The following BMPR1B variants were observed in gnomAD, a reference collection of about 807,000 sequenced individuals.
The protein encoded by BMPR1B is bone morphogenetic protein receptor type 1B.
In BMPR1B, 12 loss-of-function variants were observed where a neutral mutation model predicts 59.1. That is an observed-to-expected ratio of 0.20 (90% confidence interval 0.13 to 0.33). The LOEUF (loss-of-function observed/expected upper bound fraction) is 0.33. Ranked by LOEUF, BMPR1B falls within the 10% of genes least tolerant of loss-of-function variation. BMPR1B has a pLI of 1.00. For synonymous variants in BMPR1B, 237 were observed against 207.3 expected (o/e 1.14, Z -1.23); for missense variants, 550 against 610.9 (o/e 0.90, Z 1.05).
intron 10 of BMPR1B, among the ~76,000 whole-genome samples, chr4:95,143,451 C>A: frequency 6.6e-6 from 1 of 152,164 alleles, no homozygotes; most frequent in East Asian, 1.9e-4. Context: ...TTTCTTGTCT[C>A]TCTCTCTCTC....
Position 94,891,633 on chromosome 4 carries a change from G to A in BMPR1B, c.-113+15733G>A, listed in dbSNP as rs80022103. On this transcript the variant is annotated intron_variant, in intron 2 of 12. Transcript: ENST00000515059. The stretch of plus-strand genomic sequence containing the variant: ...AAAAAGGAAATGTTGGAATGGCAGC[G>A]TATGTAGAATTAGGAAAAACTAAAC... Among the ~76,000 whole-genome samples, 60 of 152,132 alleles carry A rather than the reference G, an allele frequency of 3.9e-4. No homozygotes were observed. The East Asian group carries it at 8.9e-3, about 23-fold the overall frequency.
At chr4:94,770,921 A>AC (rs1001437028) in intron 1 of BMPR1B, among the ~76,000 whole-genome samples, 3 of 149,050 alleles carry the variant, frequency 2.0e-5, no homozygotes, top group African/African-American at 4.9e-5. Flanking sequence ...GAAAAGCTAG[A>AC]CCCCCTCCCA....
intron 2 of BMPR1B, among the ~76,000 whole-genome samples, chr4:94,899,883 C>T (rs1727738750): frequency 6.6e-6 from 1 of 151,982 alleles, no homozygotes; most frequent in African/African-American, 2.4e-5. Flanking sequence ...CCTGTTCGCC[C>T]ACACATGGTA....
chr4:94,803,948 G>T (rs1029314219), intron 1 of BMPR1B, among the ~76,000 whole-genome samples: 1 of 151,946 alleles, frequency 6.6e-6, no homozygotes, highest in African/African-American at 2.4e-5. Flanking sequence ...GTGGAATCTC[G>T]GCTCACTGCA....
chr4:95,118,785 C>G (rs1732257673), intron 6 of BMPR1B, among the ~76,000 whole-genome samples: 1 of 152,076 alleles, frequency 6.6e-6, no homozygotes, highest in African/African-American at 2.4e-5. Flanking sequence ...AAAACATGAC[C>G]AGCGTGACCA....
At chr4:94,918,700 G>C (rs1450519175) in intron 2 of BMPR1B, among the ~76,000 whole-genome samples, 1 of 151,694 alleles carries the variant, frequency 6.6e-6, no homozygotes, top group Non-Finnish European at 1.5e-5. Context: ...AAAAAATGAA[G>C]CTTCTATCTT....
chr4:94,868,580 C>T (rs1271864919), intron 1 of BMPR1B, among the ~76,000 whole-genome samples: 1 of 152,128 alleles, frequency 6.6e-6, no homozygotes, highest in Non-Finnish European at 1.5e-5. Flanking sequence ...TTGGAAGGGA[C>T]CAATAAGTGT....
At chr4:95,022,297 G>A (rs753655653) in intron 3 of BMPR1B, among the ~76,000 whole-genome samples, 3 of 152,168 alleles carry the variant, frequency 2.0e-5, no homozygotes, top group Admixed American at 6.5e-5. Context: ...GTGGCTGTTC[G>A]AAAATATCTT....
chr4:95,038,288 TC>T (rs1313094903), intron 3 of BMPR1B, among the ~76,000 whole-genome samples: 4 of 152,146 alleles, frequency 2.6e-5, no homozygotes, highest in Non-Finnish European at 5.9e-5. Context: ...GGAAGCCAGA[TC>T]TTGTGGAGCA....
chr4:94,863,184 A>G (rs548584975), intron 1 of BMPR1B, among the ~76,000 whole-genome samples: 1 of 152,140 alleles, frequency 6.6e-6, no homozygotes, highest in Admixed American at 6.6e-5. Context: ...ACCGGGGCCT[A>G]CTTGATGGTG....
intron 3 of BMPR1B, among the ~76,000 whole-genome samples, chr4:95,097,494 G>C (rs752041744): frequency 2.6e-5 from 4 of 151,898 alleles, no homozygotes; most frequent in Non-Finnish European, 5.9e-5. Context: ...GTTGACATTT[G>C]CTTTACAATT....
intron 2 of BMPR1B, among the ~76,000 whole-genome samples, chr4:94,993,862 G>T (rs975894017): frequency 6.6e-6 from 1 of 151,378 alleles, no homozygotes; most frequent in Non-Finnish European, 1.5e-5. Context: ...TGGAAATAAA[G>T]GTCAAGAAAA....
intron 2 of BMPR1B, among the ~76,000 whole-genome samples, chr4:94,980,958 A>G (rs188104657): frequency 1.2e-3 from 177 of 150,626 alleles, no homozygotes; most frequent in African/African-American, 4.2e-3. Context: ...TTGCATTACT[A>G]CCCTCCAGCC....
intron 2 of BMPR1B, among the ~76,000 whole-genome samples, chr4:94,916,585 A>T (rs1431965329): frequency 1.3e-5 from 2 of 152,254 alleles, no homozygotes; most frequent in Non-Finnish European, 2.9e-5. Context: ...GCTGCTTCTA[A>T]CAACCTACAC....
chr4:95,106,813 T>C (rs758990440), intron 4 of BMPR1B, among the ~76,000 whole-genome samples: 5 of 151,982 alleles, frequency 3.3e-5, no homozygotes, highest in Non-Finnish European at 7.4e-5. Context: ...TAAAAACACT[T>C]ATTTTTCATT....
chr4:94,941,847 C>A (rs1052032021), intron 2 of BMPR1B, among the ~76,000 whole-genome samples: 2 of 152,168 alleles, frequency 1.3e-5, no homozygotes, highest in African/African-American at 4.8e-5. Flanking sequence ...TGTGCAAATT[C>A]CCTTGCTTCT....
intron 2 of BMPR1B, among the ~76,000 whole-genome samples, chr4:94,917,901 A>G (rs951954814): frequency 6.6e-6 from 1 of 152,146 alleles, no homozygotes; most frequent in Non-Finnish European, 1.5e-5. Flanking sequence ...CTGACCCCTC[A>G]TGACTTGATG....
intron 2 of BMPR1B, among the ~76,000 whole-genome samples, chr4:94,954,711 A>G (rs1187885180): frequency 2.0e-5 from 3 of 152,016 alleles, no homozygotes; most frequent in Non-Finnish European, 2.9e-5. Context: ...TCTCCCTTTT[A>G]GTTTTCTTTT....
chr4:95,112,807 G>A (rs1731725111), intron 4 of BMPR1B, among the ~76,000 whole-genome samples: 1 of 151,964 alleles, frequency 6.6e-6, no homozygotes, highest in African/African-American at 2.4e-5. Flanking sequence ...CTTGACAATA[G>A]CTTTACCAGC....
Sources: allele counts gnomAD v4.1 joint callset (sites outside exome capture counted in the v4.1 genomes callset), GRCh38; gene constraint gnomAD v4.1.1; transcripts MANE v1.5; gene names NCBI Gene and HGNC (gene_info 2026-07-23, HGNC 2026-07-21).